TTC8: variants seen among roughly 807,000 people sequenced by gnomAD.
TTC8 encodes tetratricopeptide repeat protein 8.
A neutral mutation model predicts 72.5 loss-of-function variants in TTC8; 47 were observed. That is an observed-to-expected ratio of 0.65 (90% CI 0.51 to 0.83). The LOEUF is 0.83. Ranked by LOEUF, TTC8 falls within the 40% of genes least tolerant of loss-of-function variation. The pLI, the probability that TTC8 is intolerant of heterozygous loss-of-function variation, is 0.00. For missense variants in TTC8, 611 were observed against 623.2 expected, an observed-to-expected ratio of 0.98 and a Z score of 0.21; for synonymous variants, 199 against 221.4, an observed-to-expected ratio of 0.90 and a Z score of 0.90.
chr14:88,841,136 A>T lies in TTC8; in HGVS notation c.429A>T (p.Arg143Ser). 1 of 1,614,060 alleles carries T rather than the reference A, an allele frequency of 6.2e-7. No individual in the cohort carries two copies. Among genetic ancestry groups the T allele is most frequent in the Non-Finnish European group, 8.5e-7 (1 of 1,180,010 alleles). Residue 143 changes from arginine (R) to serine (S), a missense_variant, in exon 5 of 15, where the codon AGA (arginine) becomes AGT (serine). Transcript: ENST00000380656. Reference protein sequence around the residue: ...GTMEQAIRTPRTAYTARPITS... With the variant: ...GTMEQAIRTPSTAYTARPITS... ...TGGAACAGGCTATCAGAACACCCAG[A>T]ACCGCCTACACAGCCCGCCCTATCA... is the stretch of plus-strand genomic sequence containing the variant.
intron 9 of TTC8, 65 bp downstream of exon 9, chr14:88,857,342 G>A: frequency 7.4e-7 from 1 of 1,346,152 alleles, no homozygotes; most frequent in Non-Finnish European, 1.1e-6. Flanking sequence ...TCTGGCCATT[G>A]CATGGGGAGA....
chr14:88,879,608 A>G (rs1289172112), downstream of TTC8: 1 of 151,754 alleles, frequency 6.6e-6, no homozygotes, highest in South Asian at 2.1e-4. Flanking sequence ...GATACAATTT[A>G]TGGCCTACAG....
intron 9 of TTC8, among the ~76,000 whole-genome samples, chr14:88,860,527 T>C (rs12893985): frequency 0.11 from 17,063 of 152,190 alleles, 1,037 homozygotes; most frequent in African/African-American, 0.13. Flanking sequence ...CCTTGTTCCA[T>C]GGGTCATCTC....
intron 7 of TTC8, among the ~76,000 whole-genome samples, chr14:88,852,357 G>T (rs2094837425): frequency 6.6e-6 from 1 of 152,182 alleles, no homozygotes; most frequent in Non-Finnish European, 1.5e-5. Flanking sequence ...TTGAAGAGAA[G>T]ATCTTTTTCA....
chr14:88,839,414 C>G (rs1290710028), intron 2 of TTC8, 38 bp from the exon 3 acceptor site: 14 of 1,604,898 alleles, frequency 8.7e-6, no homozygotes, highest in Admixed American at 6.7e-5. Context: ...ATTTCTAATG[C>G]TATTTTAATA....
At chr14:88,870,343 C>A in intron 11 of TTC8, 145 bp downstream of exon 11, 1 of 925,582 alleles carries the variant, frequency 1.1e-6, no homozygotes, top group Non-Finnish European at 1.7e-6. Flanking sequence ...ATATAATGAG[C>A]ATTGAAGTGA....
chr14:88,871,592 A>T lies in TTC8; in HGVS notation c.1093A>T (p.Asn365Tyr). 6.2e-7 allele frequency: 1 copy of T among 1,614,058 alleles called. No homozygotes were observed. The highest frequency in any genetic ancestry group is 1.1e-5 in the South Asian group (1 of 91,066). The change falls in exon 12 of 15, where the codon AAT becomes TAT. Residue 365 changes from asparagine (N) to tyrosine (Y), a missense_variant. Coordinates refer to ENST00000380656, the MANE Select transcript of TTC8 (RefSeq NM_144596.4). The surrounding 1 kb of genome is among the most constrained non-coding windows in gnomAD (Gnocchi z 4.1). ...CATTTATAACGGCCAGCTTTTTAACAATCTGGGGCTGTGTTGCTTCTATGC... is the reference window on the plus strand; with the variant it reads ...CATTTATAACGGCCAGCTTTTTAACTATCTGGGGCTGTGTTGCTTCTATGC... ...MGIYNGQLFN[N>Y]LGLCCFYAQQ... is the part of the protein sequence containing the mutation.
chr14:88,838,377 G>A (rs1389222817), intron 2 of TTC8, among the ~76,000 whole-genome samples: 1 of 152,126 alleles, frequency 6.6e-6, no homozygotes, highest in Non-Finnish European at 1.5e-5. Flanking sequence ...TGCATCTTGA[G>A]TTCTTTACGT....
chr14:88,857,375 T>C, intron 9 of TTC8, 98 bp downstream of exon 9: 2 of 1,055,752 alleles, frequency 1.9e-6, no homozygotes, highest in Non-Finnish European at 2.9e-6. Flanking sequence ...TTCAGGAATA[T>C]TTGGCAAGTT....
intron 9 of TTC8, among the ~76,000 whole-genome samples, chr14:88,857,607 G>T (rs945126742): frequency 2.0e-4 from 30 of 152,142 alleles, no homozygotes; most frequent in African/African-American, 7.2e-4. Context: ...TCCCACTTGG[G>T]CAGGTAGTAG....
At chr14:88,827,485 G>C (rs1208667134) in intron 1 of TTC8, among the ~76,000 whole-genome samples, 2 of 152,136 alleles carry the variant, frequency 1.3e-5, no homozygotes, top group Non-Finnish European at 2.9e-5. Context: ...TGGTTGAACT[G>C]TATGTATTGC....
intron 10 of TTC8, among the ~76,000 whole-genome samples, chr14:88,864,362 A>G (rs775928531): frequency 1.3e-5 from 2 of 152,214 alleles, no homozygotes; most frequent in Non-Finnish European, 2.9e-5. Flanking sequence ...GCTTGTTCCA[A>G]TGGTAACTAT....
intron 10 of TTC8, among the ~76,000 whole-genome samples, chr14:88,864,215 A>G (rs1283692150): frequency 6.6e-6 from 1 of 152,214 alleles, no homozygotes; most frequent in African/African-American, 2.4e-5. Context: ...TTGTCTAGAA[A>G]AACTATGATT....
rs139590874 is a variant in TTC8 at position 88,866,040 on chromosome 14, A to G, written c.910-4019A>G. Reference sequence around the variant, plus strand: ...GATTTATACTATTAATTACTGCCAGATTTAAAACTTTAAAAATTTAAAACT... The same window carrying G: ...GATTTATACTATTAATTACTGCCAGGTTTAAAACTTTAAAAATTTAAAACT... On this transcript the variant is annotated intron_variant, in intron 10 of 14. Coordinates refer to ENST00000380656, the MANE Select transcript of TTC8 (RefSeq NM_144596.4). Among the ~76,000 whole-genome samples the G allele has an allele frequency of 5.0e-3, 754 of 152,262 alleles. 3 individuals carry two copies. Among genetic ancestry groups the G allele is most frequent in the African/African-American group, 0.017 (720 of 41,574 alleles).
Position 88,871,475 on chromosome 14 carries a change from A to AG in TTC8, c.1050-74_1050-73insG. 2 of 1,293,654 alleles carry AG rather than the reference A, an allele frequency of 1.5e-6. No individual in the cohort carries two copies. Among genetic ancestry groups the AG allele is most frequent in the South Asian group, 2.5e-5 (2 of 78,944 alleles). The allele number at this position is 1,293,654 out of a possible 1,614,324, so 80.1% of individuals were successfully genotyped here. On this transcript the variant is annotated intron_variant, in intron 11 of 14. Transcript: ENST00000380656. This position sits in a 1 kb window ranked among gnomAD's most constrained non-coding sequence, Gnocchi z 4.1. ...AGATGAATTCATTTTTAACTGTGTAAAATATATATATATATGTCTTAAAAC... is the reference window on the plus strand; with the variant it reads ...AGATGAATTCATTTTTAACTGTGTAAGAATATATATATATATGTCTTAAAAC...
chr14:88,860,653 A>G (rs904320669), intron 9 of TTC8, among the ~76,000 whole-genome samples: 2 of 152,182 alleles, frequency 1.3e-5, no homozygotes, highest in Admixed American at 1.3e-4. Flanking sequence ...TTTCTTGTCT[A>G]GTTACTATTG....
intron 8 of TTC8, among the ~76,000 whole-genome samples, 196 bp downstream of exon 8, chr14:88,853,252 C>G (rs1224242673): frequency 1.3e-5 from 2 of 152,092 alleles, no homozygotes; most frequent in African/African-American, 4.8e-5. Context: ...AAACTTTGAG[C>G]TGGGAGAGGG....
At chr14:88,867,051 G>T (rs1349800665) in intron 10 of TTC8, among the ~76,000 whole-genome samples, 2 of 152,208 alleles carry the variant, frequency 1.3e-5, no homozygotes, top group Non-Finnish European at 2.9e-5. Flanking sequence ...CAAAGATGAA[G>T]AAGTTCTATG....
chr14:88,845,840 C>T (rs1164312246), intron 7 of TTC8, among the ~76,000 whole-genome samples: 1 of 152,154 alleles, frequency 6.6e-6, no homozygotes. Context: ...AAAGTCTCTG[C>T]TCTTTTAGAG....
Sources: gnomAD v4.1 joint callset for allele counts (sites outside exome capture counted in the v4.1 genomes callset) on GRCh38, gnomAD v4.1.1 for gene constraint, Gnocchi (gnomAD v3.1) non-coding constraint, MANE v1.5 for transcripts, NCBI Gene and HGNC (gene_info 2026-07-23, HGNC 2026-07-21) for gene names.